Variants in APBB2 observed in about 807,000 individuals in gnomAD.
APBB2 encodes amyloid beta precursor protein binding family B member 2, also known as Fe65-like 1.
A neutral mutation model predicts 82.5 loss-of-function variants in APBB2; 38 were observed. The ratio of observed to expected loss-of-function variants is 0.46; its 90% CI spans 0.36 to 0.60. The LOEUF (loss-of-function observed/expected upper bound fraction) is 0.60, where lower values mean the gene tolerates loss of function less well. APBB2 is among the 20% of genes least tolerant of loss of function. The pLI is 0.00. For missense variants in APBB2, 772 were observed against 972.3 expected (o/e 0.79, Z 2.74); for synonymous variants, 341 against 368.2 (o/e 0.93, Z 0.85).
chr4:40,835,907 G>A (rs548287048), intron 12 of APBB2, among the ~76,000 whole-genome samples: 1 of 152,318 alleles, frequency 6.6e-6, no homozygotes, highest in African/African-American at 2.4e-5. Flanking sequence ...GTGGATGAGG[G>A]AGGCGATTAA....
chr4:40,824,874 C>G (rs1292851130), intron 15 of APBB2, among the ~76,000 whole-genome samples: 1 of 152,148 alleles, frequency 6.6e-6, no homozygotes, highest in South Asian at 2.1e-4. Context: ...TTTTCCCCCA[C>G]TCCCCAGACC....
At chr4:40,969,830 G>A (rs940799082) in intron 6 of APBB2, among the ~76,000 whole-genome samples, 3 of 152,148 alleles carry the variant, frequency 2.0e-5, no homozygotes, top group Admixed American at 6.5e-5. Context: ...TCAACCCAAG[G>A]TTACCCAATA....
At chr4:41,147,793 T>C (rs1761207735) in intron 1 of APBB2, among the ~76,000 whole-genome samples, 1 of 152,150 alleles carries the variant, frequency 6.6e-6, no homozygotes, top group Non-Finnish European at 1.5e-5. Context: ...TTTTCAAGCC[T>C]GATTCCAGAA....
intron 3 of APBB2, among the ~76,000 whole-genome samples, chr4:41,076,592 A>T (rs1277192977): frequency 6.6e-6 from 1 of 152,216 alleles, no homozygotes; most frequent in South Asian, 2.1e-4. Flanking sequence ...AGATCTACAG[A>T]TACCAAAACT....
intron 1 of APBB2, among the ~76,000 whole-genome samples, chr4:41,153,038 T>C (rs991389298): frequency 2.0e-5 from 3 of 152,222 alleles, no homozygotes; most frequent in Non-Finnish European, 4.4e-5. Context: ...CCAAAAATTA[T>C]GAGCATTTTC....
chr4:40,890,568 A>G, intron 11 of APBB2, 77 bp from the exon 12 acceptor site: 1 of 1,563,068 alleles, frequency 6.4e-7, no homozygotes, highest in South Asian at 1.2e-5. Flanking sequence ...CCATCTAGGA[A>G]TGCCGTGTCA....
At chr4:41,168,658 G>A (rs1472919067) in intron 1 of APBB2, among the ~76,000 whole-genome samples, 4 of 152,142 alleles carry the variant, frequency 2.6e-5, no homozygotes, top group Non-Finnish European at 5.9e-5. Flanking sequence ...TCCTCAGACC[G>A]CTTGAGAACT....
At chr4:40,822,760 G>A (rs1260632337) in intron 16 of APBB2, among the ~76,000 whole-genome samples, 2 of 152,186 alleles carry the variant, frequency 1.3e-5, no homozygotes, top group African/African-American at 4.8e-5. Flanking sequence ...ATTCACTCTA[G>A]TGCCTTGGGA....
intron 7 of APBB2, among the ~76,000 whole-genome samples, chr4:40,937,141 T>G (rs566418403): frequency 2.0e-5 from 3 of 152,224 alleles, no homozygotes; most frequent in Admixed American, 1.3e-4. Context: ...TGTTGTTAAG[T>G]TGAACTTTAA....
rs1296543932 is a variant in APBB2 at position 40,821,947 on chromosome 4, T to G, written c.2036A>C (p.Gln679Pro). The G allele has an allele frequency of 7.4e-6, 12 of 1,614,076 alleles. No individual in the cohort carries two copies. The highest frequency in any genetic ancestry group is 1.0e-5 in the Non-Finnish European group (12 of 1,180,052). The change falls in exon 17 of 18, where the codon CAG (glutamine) becomes CCG (proline). Residue 679 changes from glutamine to proline, a missense_variant. By Grantham distance (76) the Gln-to-Pro change is moderately conservative (BLOSUM62 -1). Transcript: ENST00000508593. ...CCAGAAAACGTGGCACTCAAAGCGC[T>G]GGTTCCCCGTGTCCATGATGAAGGC... ...TFAFIMDTGN[Q>P]RFECHVFWCE...
intron 12 of APBB2, chr4:40,856,868 C>G: frequency 2.3e-6 from 2 of 883,036 alleles, no homozygotes; most frequent in Non-Finnish European, 2.7e-6. Context: ...CCAGGCAACT[C>G]GCTAAGCGCT....
intron 1 of APBB2, among the ~76,000 whole-genome samples, chr4:41,186,054 A>C (rs947894251): frequency 4.6e-5 from 7 of 152,214 alleles, no homozygotes; most frequent in Admixed American, 2.6e-4. Context: ...TTATAGCACA[A>C]GAATGTCTTA....
chr4:40,886,079 C>A (rs1406841481), intron 12 of APBB2, among the ~76,000 whole-genome samples: 2 of 152,326 alleles, frequency 1.3e-5, no homozygotes, highest in Admixed American at 6.5e-5. Flanking sequence ...GACTATAGGG[C>A]TCATTGGCGA....
chr4:40,900,394 C>A (rs1345588038), intron 10 of APBB2, among the ~76,000 whole-genome samples: 1 of 150,716 alleles, frequency 6.6e-6, no homozygotes, highest in African/African-American at 2.4e-5. Context: ...ATCTATAGCA[C>A]GGACCATGAA....
intron 4 of APBB2, among the ~76,000 whole-genome samples, chr4:41,059,519 C>G (rs574045113): frequency 6.6e-5 from 10 of 152,352 alleles, no homozygotes; most frequent in Admixed American, 5.2e-4. Context: ...TGGGTTTACG[C>G]GAATGAGGGC....
chr4:41,037,238 C>T (rs1478114305), intron 4 of APBB2, among the ~76,000 whole-genome samples: 1 of 152,056 alleles, frequency 6.6e-6, no homozygotes, highest in Admixed American at 6.5e-5. Flanking sequence ...AATATTGCAT[C>T]CAAGTTGATT....
intron 1 of APBB2, among the ~76,000 whole-genome samples, chr4:41,162,955 G>T (rs190040122): frequency 1.3e-5 from 2 of 152,356 alleles, no homozygotes; most frequent in East Asian, 3.9e-4. Context: ...AGGTGAATAA[G>T]ATATGGTCTT....
At chr4:40,927,953 T>A (rs1025936638) in intron 10 of APBB2, among the ~76,000 whole-genome samples, 1 of 152,194 alleles carries the variant, frequency 6.6e-6, no homozygotes, top group South Asian at 2.1e-4. Flanking sequence ...TGGTTTTTAT[T>A]TGAATGTTAA....
At chr4:40,946,970 G>C (rs1016641291) in intron 6 of APBB2, among the ~76,000 whole-genome samples, 3 of 152,230 alleles carry the variant, frequency 2.0e-5, no homozygotes, top group African/African-American at 7.2e-5. Context: ...AAATCTGCCA[G>C]AAGCAAAAGT....
Sources: allele counts gnomAD v4.1 joint callset (sites outside exome capture counted in the v4.1 genomes callset), GRCh38; gene constraint gnomAD v4.1.1; transcripts MANE v1.5; gene names NCBI Gene and HGNC (gene_info 2026-07-23, HGNC 2026-07-21).